SH3TC2: variants seen among roughly 807,000 people sequenced by gnomAD.
SH3TC2 encodes the protein SH3 domain and tetratricopeptide repeat-containing protein 2.
In SH3TC2, 87 loss-of-function variants were observed where a neutral mutation model predicts 124.5. That is an observed-to-expected ratio of 0.70 (90% CI 0.59 to 0.84). The LOEUF (loss-of-function observed/expected upper bound fraction) is 0.84, where lower values mean the gene tolerates loss of function less well. SH3TC2 is among the 40% of genes least tolerant of loss of function. The pLI, the probability that SH3TC2 is intolerant of heterozygous loss-of-function variation, is 0.00. For missense variants in SH3TC2, 1,536 were observed against 1,566.4 expected (o/e 0.98, Z 0.33); for synonymous variants, 634 against 628.5 (o/e 1.01, Z -0.13).
intron 12 of SH3TC2, among the ~76,000 whole-genome samples, chr5:149,019,161 A>AT (rs1753927252): frequency 6.6e-6 from 1 of 152,236 alleles, no homozygotes; most frequent in African/African-American, 2.4e-5. Flanking sequence ...TTCTTTTGTC[A>AT]GACAGTGAGA....
intron 8 of SH3TC2, among the ~76,000 whole-genome samples, chr5:149,033,978 CAAT>C (rs574165870): frequency 1.7e-3 from 255 of 151,926 alleles, no homozygotes; most frequent in African/African-American, 5.9e-3. Context: ...ACAAACCATG[CAAT>C]AAAATGAACT....
rs982501001 is a variant in SH3TC2, at chr5:148,996,985, T to A, written c.*7726A>T. Among the ~76,000 whole-genome samples, 1 of 152,088 alleles carries A rather than the reference T, an allele frequency of 6.6e-6. No homozygotes were observed. Among genetic ancestry groups the A allele is most frequent in the Non-Finnish European group, 1.5e-5 (1 of 68,016 alleles). ...TAATTAAGCATTCCTGAATACTAAG[T>A]GAGTAAAAAAAGTGCTACTACCAAC... On this transcript the variant is annotated 3_prime_UTR_variant, in exon 17 of 17. Transcript: ENST00000515425.
chr5:149,020,333 G>A (rs551486492), intron 12 of SH3TC2, among the ~76,000 whole-genome samples: 1 of 151,572 alleles, frequency 6.6e-6, no homozygotes, highest in African/African-American at 2.4e-5. Context: ...AAGAAATACA[G>A]GACAAGAAAT....
chr5:149,001,724 G>A lies in SH3TC2; in HGVS notation c.*2987C>T, dbSNP rs565331463. On this transcript the variant is annotated 3_prime_UTR_variant, in exon 17 of 17. Transcript: ENST00000515425. ...GTCTTACCCTTGTCTTTGGAAACAT[G>A]CTAAACATTTTTATAACTGACCTGG... The A allele has an allele frequency of 1.0e-3, 152 of 152,262 alleles. 1 individual carries two copies. The highest frequency in any genetic ancestry group is 3.5e-3 in the African/African-American group (146 of 41,548). 9.4% of individuals were successfully genotyped at this position (152,262 alleles called of 1,614,324 possible).
Position 148,995,410 on chromosome 5 carries a change from A to G in SH3TC2, c.*9301T>C. 6.6e-6 allele frequency among the ~76,000 whole-genome samples: 1 copy of G among 152,212 alleles called. No homozygotes were observed. Among genetic ancestry groups the G allele is most frequent in the East Asian group, 1.9e-4 (1 of 5,194 alleles). On this transcript the variant is annotated 3_prime_UTR_variant, in exon 17 of 17. Coordinates refer to ENST00000515425, the MANE Select transcript of SH3TC2 (RefSeq NM_024577.4). ...AATTACTTAGCACAACCATCATTAC[A>G]GCTTCAGTAAAAGACCATGATTATC... is the stretch of plus-strand genomic sequence containing the variant.
chr5:149,005,179 C>T (rs1357378734), intron 16 of SH3TC2, among the ~76,000 whole-genome samples: 1 of 152,116 alleles, frequency 6.6e-6, no homozygotes. Context: ...GCCCTGGGCA[C>T]AGTGCTTCAG....
rs1343387609 is a variant in SH3TC2 at position 148,984,706 on chromosome 5, T to C, written c.*20005A>G. Among the ~76,000 whole-genome samples the C allele has an allele frequency of 6.6e-6, 1 of 152,194 alleles. No individual in the cohort carries two copies. The highest frequency in any genetic ancestry group is 1.9e-4 in the East Asian group (1 of 5,198). Reference sequence around the variant, plus strand: ...AAATGTCCACATTTGCTTAGATGTTTAGTGGGTATTCCAACCCTCAAAGAG... The same window carrying C: ...AAATGTCCACATTTGCTTAGATGTTCAGTGGGTATTCCAACCCTCAAAGAG... On this transcript the variant is annotated 3_prime_UTR_variant, in exon 17 of 17. Coordinates refer to ENST00000515425, the MANE Select transcript of SH3TC2 (RefSeq NM_024577.4).
At chr5:149,036,449 T>C (rs1470953037) in intron 8 of SH3TC2, among the ~76,000 whole-genome samples, 1 of 152,230 alleles carries the variant, frequency 6.6e-6, no homozygotes, top group Non-Finnish European at 1.5e-5. Flanking sequence ...CTCTGCTCTG[T>C]AAATGGAGGC....
chr5:149,035,668 C>T (rs188643302), intron 8 of SH3TC2: 1 of 152,402 alleles, frequency 6.6e-6, no homozygotes, highest in East Asian at 1.9e-4. Flanking sequence ...TGTTTTCTGA[C>T]TCATTTTCCC....
At chr5:149,034,476 T>A in intron 8 of SH3TC2, 1 of 412,072 alleles carries the variant, frequency 2.4e-6, no homozygotes, top group Non-Finnish European at 4.8e-6. Context: ...TTTTCCAGAA[T>A]TGAAGAAAGA....
chr5:149,054,399 C>A (rs1177682546), intron 1 of SH3TC2, among the ~76,000 whole-genome samples: 1 of 152,074 alleles, frequency 6.6e-6, no homozygotes, highest in African/African-American at 2.4e-5. Flanking sequence ...TGATAAAATG[C>A]TGATTCTGCT....
chr5:149,041,182 T>C (rs1227398193), intron 6 of SH3TC2, among the ~76,000 whole-genome samples: 2 of 152,182 alleles, frequency 1.3e-5, no homozygotes, highest in Non-Finnish European at 1.5e-5. Context: ...TGTGGTATAT[T>C]TGCTGCTAGG....
Position 149,004,720 on chromosome 5 carries a change from C to T in SH3TC2, c.3858G>A (p.Leu1286=). 1 of 1,613,122 alleles carries T rather than the reference C, an allele frequency of 6.2e-7. No homozygotes were observed. ...GACAGGACAGCTTTCCTCAGAGGGC[C>T]AGGCCACCACCACTCAGCCACCGCG... ...ERARWLSGGG[L]AL The change falls in exon 17 of 17, where the codon CTG becomes CTA. Residue 1286 remains leucine (L), a synonymous_variant. Coordinates refer to ENST00000515425, the MANE Select transcript of SH3TC2 (RefSeq NM_024577.4).
At chr5:149,023,658 A>G (rs1754015401) in intron 12 of SH3TC2, among the ~76,000 whole-genome samples, 2 of 138,746 alleles carry the variant, frequency 1.4e-5, no homozygotes, top group African/African-American at 5.6e-5. Flanking sequence ...ACCTCGGCTC[A>G]CTGCAACCTC....
intron 3 of SH3TC2, 24 bp downstream of exon 3, chr5:149,047,838 T>A (rs1437979558): frequency 1.9e-6 from 3 of 1,613,498 alleles, no homozygotes; most frequent in Admixed American, 1.7e-5. Context: ...GTACTCAGCA[T>A]TCACCTGTTT....
chr5:149,038,358 G>A lies in SH3TC2; in HGVS notation c.938C>T (p.Thr313Ile), dbSNP rs1754317132. Residue 313 changes from threonine (T) to isoleucine (I), a missense_variant, in exon 8 of 17, where the codon ACA becomes ATA. Thr to Ile is a moderately conservative substitution (Grantham distance 89). Around this residue, in one of 3 missense-constraint regions of SH3TC2, gnomAD observed 1,102 missense variants for 1,098.6 expected, o/e 1.00. Transcript: ENST00000515425. ...PGLQWFIGKSTSSGQVGFVPT... is the reference protein window; with the variant it reads ...PGLQWFIGKSISSGQVGFVPT... The stretch of plus-strand genomic sequence containing the variant: ...GACAAAGCCCACTTGTCCTGAACTT[G>A]TCGACTTTCCAATGAACCACTGAAG... 2 of 1,614,060 alleles carry A rather than the reference G, an allele frequency of 1.2e-6. No homozygotes were observed. Among genetic ancestry groups the A allele is most frequent in the South Asian group, 2.2e-5 (2 of 91,090 alleles).
At chr5:149,014,238 C>G (rs545236306) in intron 12 of SH3TC2, among the ~76,000 whole-genome samples, 1 of 152,288 alleles carries the variant, frequency 6.6e-6, no homozygotes, top group South Asian at 2.1e-4. Context: ...CTCAAATTGA[C>G]TGAAAAAGAT....
chr5:149,019,259 C>T (rs957970776), intron 12 of SH3TC2, among the ~76,000 whole-genome samples: 6 of 152,054 alleles, frequency 3.9e-5, no homozygotes, highest in South Asian at 2.1e-4. Context: ...TAGAAACACC[C>T]GTTTATCTGT....
rs1415870396 is a variant in SH3TC2, at chr5:149,002,752, T to C, written c.*1959A>G. On this transcript the variant is annotated 3_prime_UTR_variant, in exon 17 of 17. Coordinates refer to ENST00000515425, the MANE Select transcript of SH3TC2 (RefSeq NM_024577.4). ...AAGGAGCAAGGGTGAACCACCTGCATCAGGCTTGCTTGAGTTGCTTTCTAA... is the reference window on the plus strand; with the variant it reads ...AAGGAGCAAGGGTGAACCACCTGCACCAGGCTTGCTTGAGTTGCTTTCTAA... 1 of 151,762 alleles carries C rather than the reference T, an allele frequency of 6.6e-6. No homozygotes were observed. 9.4% of individuals were successfully genotyped at this position (151,762 alleles called of 1,614,324 possible). A position where few individuals can be genotyped will look rare whatever the true frequency, so the allele number is the denominator to read the frequency against.
Sources: gnomAD v4.1 joint callset for allele counts (sites outside exome capture counted in the v4.1 genomes callset) on GRCh38, gnomAD v4.1.1 for gene constraint, gnomAD v4.1.1 regional missense constraint, MANE v1.5 for transcripts, NCBI Gene and HGNC (gene_info 2026-07-23, HGNC 2026-07-21) for gene names.